Variants in EXOC7 observed in about 807,000 individuals in gnomAD.
EXOC7 encodes exocyst complex component 7.
Under a neutral mutation model 87.6 loss-of-function variants are expected in EXOC7, and 51 were observed. The ratio of observed to expected loss-of-function variants is 0.58; its 90% CI spans 0.46 to 0.73. The LOEUF is 0.73. Ranked by LOEUF, EXOC7 falls within the 30% of genes least tolerant of loss-of-function variation. The probability of loss-of-function intolerance (pLI) is 0.00; values close to 1 mark genes in which losing one functional copy is unlikely to be tolerated. For synonymous variants in EXOC7, 327 were observed against 357.1 expected, an observed-to-expected ratio of 0.92 and a Z score of 0.95; for missense variants, 744 against 888.4, an observed-to-expected ratio of 0.84 and a Z score of 2.07.
intron 12 of EXOC7, 98 bp downstream of exon 12, chr17:76,087,556 G>A: frequency 1.6e-6 from 2 of 1,239,188 alleles, no homozygotes; most frequent in Middle Eastern, 3.7e-4. Flanking sequence ...CCCCTCCACA[G>A]ACTGGAGATA....
In EXOC7 at chr17:76,081,034, A is replaced by C; in HGVS notation, c.*2614T>G. 2.1e-6 allele frequency: 1 copy of C among 482,068 alleles called. No homozygotes were observed. The allele number at this position is 482,068 out of a possible 1,614,324, so 29.9% of individuals were successfully genotyped here. ...TCCATCATGAAGTGGTGCAAAGTAC[A>C]TTTATTTTTACAATGAAAGCTCATC... is the stretch of plus-strand genomic sequence containing the variant. On this transcript the variant is annotated 3_prime_UTR_variant, in exon 19 of 19. Transcript: ENST00000589210.
At chr17:76,085,116 G>A in intron 15 of EXOC7, 198 bp downstream of exon 15, 1 of 590,278 alleles carries the variant, frequency 1.7e-6, no homozygotes, top group Non-Finnish European at 3.0e-6. Flanking sequence ...TGGCCATAGT[G>A]GGCCCCTAGG....
rs957914124 is a variant in EXOC7 at position 76,082,093 on chromosome 17, C to T, written c.*1555G>A. 1.2e-5 allele frequency: 19 copies of T among 1,548,630 alleles called. No homozygotes were observed. The highest frequency in any genetic ancestry group is 6.9e-5 in the African/African-American group (5 of 72,230). ...GTAAGGAATGAGGCCTAGGTGCACA[C>T]CTAGGGCTGGGGTGAGGGCACGGAG... On this transcript the variant is annotated 3_prime_UTR_variant, in exon 19 of 19. Transcript: ENST00000589210.
chr17:76,094,399 AG>A lies in EXOC7; in HGVS notation c.808+14del, dbSNP rs1024245907. 1.9e-6 allele frequency: 3 copies of A among 1,608,632 alleles called. No homozygotes were observed. The highest frequency in any genetic ancestry group is 2.2e-5 in the East Asian group (1 of 44,860). The stretch of plus-strand genomic sequence containing the variant: ...CCTCTGGCTGTTGCAGAGATGGGCC[AG>A]GATGGGGGCTCACCTGGCCGCTTGA... On this transcript the variant is annotated intron_variant, in intron 6 of 18. Coordinates refer to ENST00000589210, the MANE Select transcript of EXOC7 (RefSeq NM_001013839.4).
Position 76,081,593 on chromosome 17 carries a change from C to T in EXOC7, c.*2055G>A. ...CAAGTCCATCATCGCTCTCTTGGTG[C>T]CTGCAGAGGCACTGCTGTTGGCTGA... is the stretch of plus-strand genomic sequence containing the variant. On this transcript the variant is annotated 3_prime_UTR_variant, in exon 19 of 19. Transcript: ENST00000589210. 1.2e-6 allele frequency: 2 copies of T among 1,614,024 alleles called. No homozygotes were observed. Among genetic ancestry groups the T allele is most frequent in the Non-Finnish European group, 1.7e-6 (2 of 1,180,038 alleles).
chr17:76,083,791 C>T, intron 18 of EXOC7, 41 bp from the exon 19 acceptor site: 1 of 1,590,898 alleles, frequency 6.3e-7, no homozygotes. Context: ...AGGGCCGACC[C>T]CTCCCCAGCT....
chr17:76,083,542 T>C lies in EXOC7; in HGVS notation c.*106A>G, dbSNP rs2144582390. On this transcript the variant is annotated 3_prime_UTR_variant, in exon 19 of 19. Coordinates refer to ENST00000589210, the MANE Select transcript of EXOC7 (RefSeq NM_001013839.4). ...TCCCGGAGGCGTGGAGACAGGTCTC[T>C]GTCCCAGAGGACTTCAAGCTCACCC... 2 of 1,106,154 alleles carry C rather than the reference T, an allele frequency of 1.8e-6. No individual in the cohort carries two copies. Among genetic ancestry groups the C allele is most frequent in the Non-Finnish European group, 1.4e-6 (1 of 729,386 alleles). 68.5% of individuals were successfully genotyped at this position (1,106,154 alleles called of 1,614,324 possible).
intron 6 of EXOC7, chr17:76,091,518 G>A (rs1423313983): frequency 5.6e-6 from 2 of 354,430 alleles, no homozygotes; most frequent in Non-Finnish European, 1.0e-5. Flanking sequence ...GATCCACCAG[G>A]AGAAGTCAAA....
Position 76,083,591 on chromosome 17 carries a change from G to A in EXOC7, c.*57C>T. The stretch of plus-strand genomic sequence containing the variant: ...CCAGCCCAGAGGCAAGCTAACACTG[G>A]TTTATCTGTCCAATGACACGCCAGT... On this transcript the variant is annotated 3_prime_UTR_variant, in exon 19 of 19. Coordinates refer to ENST00000589210, the MANE Select transcript of EXOC7 (RefSeq NM_001013839.4). 1 of 1,566,470 alleles carries A rather than the reference G, an allele frequency of 6.4e-7. No homozygotes were observed.
rs557570733 is a variant in EXOC7, at chr17:76,095,798, G to T, written c.641-1217C>A. Among the ~76,000 whole-genome samples, 10 of 152,212 alleles carry T rather than the reference G, an allele frequency of 6.6e-5. No individual in the cohort carries two copies. The South Asian group carries it at 1.7e-3, about 25-fold the overall frequency. On this transcript the variant is annotated intron_variant, in intron 5 of 18. Transcript: ENST00000589210. ...TGCACCCTTGAGAATAAACCCTCAA[G>T]AACTTCCTCAAAGAAAAAAGCAATT...
intron 4 of EXOC7, among the ~76,000 whole-genome samples, chr17:76,099,544 CTG>C (rs2067954007): frequency 6.6e-6 from 1 of 152,082 alleles, no homozygotes; most frequent in Non-Finnish European, 1.5e-5. Flanking sequence ...AAAAAAGAAA[CTG>C]TGGTCTATCC....
At chr17:76,090,793 C>T (rs1325853571) in intron 7 of EXOC7, 4 of 504,938 alleles carry the variant, frequency 7.9e-6, no homozygotes, top group South Asian at 2.6e-5. Flanking sequence ...ATGGGAAGGC[C>T]GGGAGGCCTC....
intron 7 of EXOC7, chr17:76,090,599 G>T: frequency 1.0e-6 from 1 of 965,136 alleles, no homozygotes; most frequent in Non-Finnish European, 1.5e-6. Flanking sequence ...CCTGACTTCA[G>T]TGAGCACCCA....
intron 12 of EXOC7, chr17:76,087,162 C>A: frequency 2.2e-6 from 1 of 460,506 alleles, no homozygotes; most frequent in Non-Finnish European, 4.0e-6. Flanking sequence ...GAGGAGAGGG[C>A]CCAGGGACCT....
intron 7 of EXOC7, chr17:76,089,940 G>A (rs896414745): frequency 3.6e-5 from 7 of 193,944 alleles, no homozygotes; most frequent in African/African-American, 9.4e-5. Context: ...AGGCCACGGC[G>A]GGGGCGCCTG....
Position 76,089,281 on chromosome 17 carries a change from A to G in EXOC7, c.941T>C (p.Ile314Thr). The G allele has an allele frequency of 6.2e-7, 1 of 1,614,024 alleles. No individual in the cohort carries two copies. Among genetic ancestry groups the G allele is most frequent in the Non-Finnish European group, 8.5e-7 (1 of 1,179,978 alleles). ...DMLDVETDAY[I>T]HCVSAFVKLA... ...CTTGACGAAGGCACTGACGCAGTGGATGTAGGCATCGGTCTCCACGTCCAG... is the reference window on the plus strand; with the variant it reads ...CTTGACGAAGGCACTGACGCAGTGGGTGTAGGCATCGGTCTCCACGTCCAG... The change falls in exon 8 of 19, where the codon ATC (isoleucine) becomes ACC (threonine). Residue 314 changes from isoleucine to threonine, a missense_variant. Around this residue, in one of 3 missense-constraint regions of EXOC7, gnomAD observed 512 missense variants for 573.0 expected, o/e 0.89. Transcript: ENST00000589210.
chr17:76,094,201 C>A, intron 6 of EXOC7: 1 of 524,192 alleles, frequency 1.9e-6, no homozygotes, highest in Admixed American at 3.6e-5. Context: ...CTGTGTAACC[C>A]CAGGCTCTGC....
intron 12 of EXOC7, chr17:76,087,012 T>C (rs1461040996): frequency 2.5e-6 from 2 of 798,798 alleles, no homozygotes; most frequent in Non-Finnish European, 4.2e-6. Context: ...AGCAGACCTC[T>C]CCCCACGACA....
In EXOC7 at chr17:76,098,056, T is replaced by G. The variant is rs201470663; in HGVS notation, c.418-38A>C. 2.1e-4 allele frequency: 336 copies of G among 1,582,268 alleles called. 2 individuals are homozygous for G. In the African/African-American group the frequency reaches 4.1e-3, roughly 19 times the overall value. ...CAGAAGGAAGCAGGTGCCTGCTGCT[T>G]CAGTGTTCTGCCAGTCCTGGCCTTC... On this transcript the variant is annotated intron_variant, in intron 4 of 18. Transcript: ENST00000589210.
Sources: allele counts gnomAD v4.1 joint callset (sites outside exome capture counted in the v4.1 genomes callset), GRCh38; gene constraint gnomAD v4.1.1; regional missense constraint gnomAD v4.1.1; transcripts MANE v1.5; gene names NCBI Gene and HGNC (gene_info 2026-07-23, HGNC 2026-07-21).